CRX: variants seen among roughly 807,000 people sequenced by gnomAD.
The protein encoded by CRX is cone-rod homeobox, also known as cone-rod homeobox protein.
CRX carries 5 observed loss-of-function variants against 13.1 expected under a neutral mutation model. The ratio of observed to expected loss-of-function variants is 0.38; its 90% CI spans 0.20 to 0.80. CRX has a LOEUF of 0.80. Among genes scored for constraint, CRX ranks in the 30% least tolerant of loss-of-function variants. CRX has a pLI of 0.43. For missense variants in CRX, 351 were observed against 391.8 expected (o/e 0.90, Z 0.88); for synonymous variants, 179 against 171.1 (o/e 1.05, Z -0.36).
rs770311577 is a variant in CRX, at chr19:47,834,542, A to G, written c.99A>G (p.Pro33=). 1 of 1,613,200 alleles carries G rather than the reference A, an allele frequency of 6.2e-7. No homozygotes were observed. The highest frequency in any genetic ancestry group is 8.5e-7 in the Non-Finnish European group (1 of 1,179,262). ...TGATGCACCAGGCTGTGCCCTACCC[A>G]AGTGAGTACAGTCGTTTCTCTTGGC... The part of the protein sequence containing the change: ...VDLMHQAVPY[P]SAPRKQRRER... The change falls in exon 2 of 4, where the codon CCA becomes CCG. Residue 33 remains proline, a splice_region_variant and synonymous_variant. Coordinates refer to ENST00000221996, the MANE Select transcript of CRX (RefSeq NM_000554.6).
At chr19:47,833,029 CTTTTT>C (rs35088115) in intron 1 of CRX, among the ~76,000 whole-genome samples, 6 of 88,246 alleles carry the variant, frequency 6.8e-5, no homozygotes, top group Non-Finnish European at 1.1e-4. Flanking sequence ...TCCACACTCG[CTTTTT>C]TTTTTTTTTT....
At position 47,840,172 on chromosome 19, in the gene CRX, G is replaced by A. The variant is rs995250251; in HGVS notation, c.*205G>A. 73 of 602,300 alleles carry A rather than the reference G, an allele frequency of 1.2e-4. No homozygotes were observed. The highest frequency in any genetic ancestry group is 2.0e-4 in the Non-Finnish European group (68 of 341,248). The allele number at this position is 602,300 out of a possible 1,614,324, so 37.3% of individuals were successfully genotyped here. On this transcript the variant is annotated 3_prime_UTR_variant, in exon 4 of 4. Transcript: ENST00000221996. ...CTCCCTCTCCTGGGACAGCTCACAG[G>A]TCCTAGTGATTCTCTCAACCCTAAC...
chr19:47,825,925 C>T (rs1967969984), intron 1 of CRX, among the ~76,000 whole-genome samples: 2 of 152,014 alleles, frequency 1.3e-5, no homozygotes, highest in Admixed American at 6.6e-5. Flanking sequence ...CTCAAAATAA[C>T]AACAACAACA....
At chr19:47,837,687 TTAGA>T (rs1292789003) in intron 3 of CRX, among the ~76,000 whole-genome samples, 1 of 152,144 alleles carries the variant, frequency 6.6e-6, no homozygotes, top group Non-Finnish European at 1.5e-5. Flanking sequence ...GTATGTATGA[TTAGA>T]TAGATCCATT....
chr19:47,840,688 C>CT lies in CRX; in HGVS notation c.*721_*722insT. On this transcript the variant is annotated 3_prime_UTR_variant, in exon 4 of 4. Coordinates refer to ENST00000221996, the MANE Select transcript of CRX (RefSeq NM_000554.6). ...AAAGTGCTAGGATTACAGGCGTGAGCCACCGCGCCCGGCCCTTTTTTTTTT... is the reference window on the plus strand; with the variant it reads ...AAAGTGCTAGGATTACAGGCGTGAGCTCACCGCGCCCGGCCCTTTTTTTTTT... The CT allele has an allele frequency of 6.7e-6, 1 of 149,186 alleles. No individual in the cohort carries two copies. The highest frequency in any genetic ancestry group is 1.5e-5 in the Non-Finnish European group (1 of 67,570). 9.2% of individuals were successfully genotyped at this position (149,186 alleles called of 1,614,324 possible).
intron 1 of CRX, among the ~76,000 whole-genome samples, chr19:47,830,271 T>C (rs963339218): frequency 1.3e-5 from 2 of 151,702 alleles, no homozygotes; most frequent in Non-Finnish European, 2.9e-5. Flanking sequence ...GCAACGCCGC[T>C]GCACTCCGGC....
chr19:47,826,117 C>T (rs1361996679), intron 1 of CRX, among the ~76,000 whole-genome samples: 1 of 152,172 alleles, frequency 6.6e-6, no homozygotes, highest in African/African-American at 2.4e-5. Context: ...TCCTTGTCTC[C>T]ACTCTCTGGA....
At chr19:47,836,730 C>A (rs1048854758) in intron 3 of CRX, among the ~76,000 whole-genome samples, 1 of 152,096 alleles carries the variant, frequency 6.6e-6, no homozygotes, top group Non-Finnish European at 1.5e-5. Flanking sequence ...ATCAGTGAGA[C>A]CCACACTGAA....
chr19:47,830,614 G>A (rs189072183), intron 1 of CRX, among the ~76,000 whole-genome samples: 5 of 152,008 alleles, frequency 3.3e-5, no homozygotes, highest in East Asian at 1.9e-4. Context: ...GCTAACAATG[G>A]TGAAACCTTG....
intron 3 of CRX, among the ~76,000 whole-genome samples, chr19:47,838,954 T>A (rs887041611): frequency 6.6e-6 from 1 of 151,954 alleles, no homozygotes; most frequent in Non-Finnish European, 1.5e-5. Flanking sequence ...TACGTGTGCA[T>A]GTTTGTATTA....
chr19:47,824,572 C>T (rs935783692), intron 1 of CRX, among the ~76,000 whole-genome samples: 25 of 152,118 alleles, frequency 1.6e-4, no homozygotes, highest in Non-Finnish European at 3.7e-4. Flanking sequence ...GAAGCTGGGG[C>T]CCCCTGGAGG....
At chr19:47,837,253 G>A (rs1290372148) in intron 3 of CRX, among the ~76,000 whole-genome samples, 4 of 152,088 alleles carry the variant, frequency 2.6e-5, no homozygotes, top group Admixed American at 2.6e-4. Flanking sequence ...TGCAACCTCC[G>A]CCTCCTGGGT....
Position 47,841,540 on chromosome 19 carries a change from C to G in CRX, c.*1573C>G, listed in dbSNP as rs944658877. The G allele has an allele frequency of 5.3e-5, 8 of 151,192 alleles. No homozygotes were observed. In the South Asian group the frequency reaches 1.7e-3, roughly 32 times the overall value. The allele number at this position is 151,192 out of a possible 1,614,324, so 9.4% of individuals were successfully genotyped here. On this transcript the variant is annotated 3_prime_UTR_variant, in exon 4 of 4. Transcript: ENST00000221996. Reference sequence around the variant, plus strand: ...GGAAATAGATTTGGAGGAGGCAGCCCTACATTTCAAACATACATTCCCTTT... The same window carrying G: ...GGAAATAGATTTGGAGGAGGCAGCCGTACATTTCAAACATACATTCCCTTT...
intron 1 of CRX, among the ~76,000 whole-genome samples, chr19:47,828,892 GAACACACACACACA>G: frequency 1.3e-5 from 1 of 77,926 alleles, no homozygotes; most frequent in Admixed American, 1.8e-4. Context: ...CTTTTGACAA[GAACACACACACACA>G]CACACACACA....
Position 47,839,519 on chromosome 19 carries a change from G to T in CRX, c.452G>T (p.Gly151Val), listed in dbSNP as rs752233438. Reference sequence around the variant, plus strand: ...AGTCCCCCTCTGCCCGGCCCCTCAGGCTCCCCAACCACGGCAGTGGCCACT... The same window carrying T: ...AGTCCCCCTCTGCCCGGCCCCTCAGTCTCCCCAACCACGGCAGTGGCCACT... ...SYSPPLPGPS[G>V]SPTTAVATVS... The change falls in exon 4 of 4, where the codon GGC (glycine) becomes GTC (valine). Residue 151 changes from glycine (G) to valine (V), a missense_variant. Physicochemically the swap from Gly to Val is moderately radical, Grantham distance 109. This residue lies in a region of CRX where 253 missense variants were observed against 268.3 expected (regional missense o/e 0.94). Coordinates refer to ENST00000221996, the MANE Select transcript of CRX (RefSeq NM_000554.6). The surrounding 1 kb of genome is among the most constrained non-coding windows in gnomAD (Gnocchi z 4.6). 6 of 1,613,602 alleles carry T rather than the reference G, an allele frequency of 3.7e-6. No homozygotes were observed. The highest frequency in any genetic ancestry group is 2.2e-5 in the East Asian group (1 of 44,874).
intron 1 of CRX, among the ~76,000 whole-genome samples, chr19:47,830,424 C>T (rs541498817): frequency 2.0e-5 from 3 of 152,184 alleles, no homozygotes; most frequent in South Asian, 4.1e-4. Context: ...GAATTTGGGC[C>T]GGGTGCAGTG....
rs557722581 is a variant in CRX at position 47,822,410 on chromosome 19, G to A, written c.-36+400G>A. On this transcript the variant is annotated intron_variant, in intron 1 of 3. Coordinates refer to ENST00000221996, the MANE Select transcript of CRX (RefSeq NM_000554.6). ...CACTGCCTGAAATTTTCATTTGCGC[G>A]ATGATCCACAAATGGCCTGTCTCCC... Among the ~76,000 whole-genome samples, 3 of 152,200 alleles carry A rather than the reference G, an allele frequency of 2.0e-5. No individual in the cohort carries two copies. The South Asian group carries it at 6.2e-4, about 32-fold the overall frequency.
chr19:47,834,615 C>T, intron 2 of CRX, 72 bp downstream of exon 2: 1 of 1,303,176 alleles, frequency 7.7e-7, no homozygotes, highest in Non-Finnish European at 1.1e-6. Context: ...GTCCCTTTGC[C>T]CCCAGGAAGA....
rs759194302 is a variant in CRX at position 47,839,745 on chromosome 19, G to A, written c.678G>A (p.Val226=). ...TAGACCCCTACCTTTCTCCCATGGT[G>A]CCCCAGCTAGGGGGCCCGGCTCTTA... ...SGLDPYLSPM[V]PQLGGPALSP... Residue 226 remains valine (V), a synonymous_variant, in exon 4 of 4, where the codon GTG becomes GTA. Transcript: ENST00000221996. This position sits in a 1 kb window ranked among gnomAD's most constrained non-coding sequence, Gnocchi z 4.6. 3.1e-6 allele frequency: 5 copies of A among 1,613,894 alleles called. No homozygotes were observed. The African/African-American group carries it at 4.0e-5, about 13-fold the overall frequency.
Sources: gnomAD v4.1 joint callset for allele counts (sites outside exome capture counted in the v4.1 genomes callset) on GRCh38, gnomAD v4.1.1 for gene constraint, gnomAD v4.1.1 regional missense constraint, Gnocchi (gnomAD v3.1) non-coding constraint, MANE v1.5 for transcripts, NCBI Gene and HGNC (gene_info 2026-07-23, HGNC 2026-07-21) for gene names.